The following SLC4A4 variants were observed in gnomAD, a reference collection of about 807,000 sequenced individuals.
SLC4A4 encodes the protein solute carrier family 4 member 4.
In SLC4A4, 27 loss-of-function variants were observed where a neutral mutation model predicts 111.5. The observed-to-expected ratio is 0.24, with a 90% CI of 0.18 to 0.33. The LOEUF (loss-of-function observed/expected upper bound fraction) is 0.33, where lower values mean the gene tolerates loss of function less well. SLC4A4 is among the 10% of genes least tolerant of loss of function. SLC4A4 has a pLI of 1.00. For missense variants in SLC4A4, 909 were observed against 1,315.5 expected (o/e 0.69, Z 4.78); for synonymous variants, 443 against 463.4 (o/e 0.96, Z 0.57).
chr4:71,152,828 C>T (rs902773759), intron 2 of SLC4A4, among the ~76,000 whole-genome samples: 2 of 151,618 alleles, frequency 1.3e-5, no homozygotes, highest in Non-Finnish European at 2.9e-5. Context: ...CCCCTCATCT[C>T]TATACTGCAT....
intron 1 of SLC4A4, among the ~76,000 whole-genome samples, chr4:71,222,529 T>G (rs1187739334): frequency 6.6e-6 from 1 of 152,234 alleles, no homozygotes; most frequent in Non-Finnish European, 1.5e-5. Flanking sequence ...GATTCATCCT[T>G]CGTGCCTAGA....
At position 71,440,784 on chromosome 4, in the gene SLC4A4, C is replaced by T. The variant is rs550285672; in HGVS notation, c.965+11C>T. 8.1e-6 allele frequency: 13 copies of T among 1,613,780 alleles called. No individual in the cohort carries two copies. In the African/African-American group the frequency reaches 1.2e-4, roughly 15 times the overall value. On this transcript the variant is annotated intron_variant, in intron 8 of 25. Transcript: ENST00000264485. ...TCCTGTGCCCACAAGGTAAGCTGCT[C>T]TCCTACCTGGGGTCTACAATGTGCT...
At chr4:71,179,863 A>G (rs1340333733) in intron 2 of SLC4A4, among the ~76,000 whole-genome samples, 1 of 152,226 alleles carries the variant, frequency 6.6e-6, no homozygotes, top group Non-Finnish European at 1.5e-5. Flanking sequence ...TAAAGTTCAT[A>G]TGGAACCAAA....
chr4:71,286,548 A>C (rs1327869485), intron 3 of SLC4A4, among the ~76,000 whole-genome samples: 1 of 152,232 alleles, frequency 6.6e-6, no homozygotes, highest in Admixed American at 6.5e-5. Flanking sequence ...TATCACAAGC[A>C]GTTTTCTATA....
At chr4:71,099,353 G>A (rs1194028543) in intron 2 of SLC4A4, among the ~76,000 whole-genome samples, 1 of 152,148 alleles carries the variant, frequency 6.6e-6, no homozygotes, top group Non-Finnish European at 1.5e-5. Context: ...TGACTTTTGG[G>A]TAAATAACAA....
At chr4:71,557,648 A>T in intron 21 of SLC4A4, 64 bp from the exon 22 acceptor site, 1 of 1,460,138 alleles carries the variant, frequency 6.8e-7, no homozygotes. Flanking sequence ...AGTAGTGATT[A>T]GTTAGGCATA....
chr4:71,389,484 T>A (rs1719068894), intron 6 of SLC4A4, among the ~76,000 whole-genome samples: 2 of 152,322 alleles, frequency 1.3e-5, no homozygotes, highest in South Asian at 4.1e-4. Flanking sequence ...CATCCTCACA[T>A]CCTCATTCCT....
intron 6 of SLC4A4, among the ~76,000 whole-genome samples, chr4:71,386,589 CT>C (rs201561485): frequency 1.3e-5 from 2 of 151,292 alleles, no homozygotes; most frequent in Non-Finnish European, 1.5e-5. Context: ...TTTTTCTTTT[CT>C]TTTTTTTGGC....
rs148243942 is a variant in SLC4A4, at chr4:71,268,987, T to A, written c.253+13588T>A. ...CAATCAGAACAAACATTATTCCTGT[T>A]TTAGAAATGCAAATCAGAGGTTCCC... On this transcript the variant is annotated intron_variant, in intron 3 of 25. Coordinates refer to ENST00000264485, the MANE Select transcript of SLC4A4 (RefSeq NM_001098484.3). 1.9e-4 allele frequency among the ~76,000 whole-genome samples: 29 copies of A among 152,372 alleles called. No individual in the cohort carries two copies. The East Asian group carries it at 5.6e-3, about 29-fold the overall frequency.
At position 71,156,049 on chromosome 4, in the gene SLC4A4, C is replaced by A. The variant is rs1452718811; in HGVS notation, c.-2+63257C>A. 2.6e-5 allele frequency among the ~76,000 whole-genome samples: 4 copies of A among 152,266 alleles called. No homozygotes were observed. In the East Asian group the frequency reaches 7.7e-4, roughly 29 times the overall value. ...TACACGAATTTAATAAAGAGGAGCT[C>A]AGTCTGTTCTTCCTTATTATGTTGT... On this transcript the variant is annotated intron_variant, in intron 2 of 26. Coordinates refer to the SLC4A4 transcript ENST00000649996.
At chr4:71,457,307 A>G (rs1417601725) in intron 12 of SLC4A4, among the ~76,000 whole-genome samples, 1 of 152,210 alleles carries the variant, frequency 6.6e-6, no homozygotes, top group African/African-American at 2.4e-5. Context: ...TCATACAGTT[A>G]TAATGCTGAC....
chr4:71,169,993 C>G (rs141926777), intron 2 of SLC4A4, among the ~76,000 whole-genome samples: 300 of 152,334 alleles, frequency 2.0e-3, no homozygotes, highest in African/African-American at 7.0e-3. Flanking sequence ...TCACCGATCT[C>G]CCTTTGTTCC....
At chr4:71,103,871 C>A in intron 2 of SLC4A4, among the ~76,000 whole-genome samples, 1 of 141,104 alleles carries the variant, frequency 7.1e-6, no homozygotes, top group African/African-American at 2.6e-5. Context: ...ACTAGAAAAG[C>A]AAGAGCAAAC....
rs559085429 is a variant in SLC4A4 at position 71,519,676 on chromosome 4, C to T, written c.2167-12386C>T. 7.8e-4 allele frequency among the ~76,000 whole-genome samples: 119 copies of T among 152,170 alleles called. 1 individual carries two copies. The highest frequency in any genetic ancestry group is 3.0e-3 in the Admixed American group (46 of 15,290). ...TTTTGACAGAGTCTCGCTCTGTTGC[C>T]TAGGCTGGAGTGCAGTGGCATGACC... On this transcript the variant is annotated intron_variant, in intron 16 of 25. Coordinates refer to ENST00000264485, the MANE Select transcript of SLC4A4 (RefSeq NM_001098484.3).
At chr4:71,339,697 A>G in intron 4 of SLC4A4, among the ~76,000 whole-genome samples, 192 bp downstream of exon 4, 1 of 152,006 alleles carries the variant, frequency 6.6e-6, no homozygotes, top group East Asian at 1.9e-4. Context: ...GGCACCTCTT[A>G]TTTCACTATT....
chr4:71,427,167 C>T (rs1240020592), intron 7 of SLC4A4, among the ~76,000 whole-genome samples: 1 of 151,964 alleles, frequency 6.6e-6, no homozygotes, highest in Non-Finnish European at 1.5e-5. Flanking sequence ...ATTCATTAAT[C>T]TCTAGTTTTT....
At chr4:71,131,429 C>T (rs1332310104) in intron 2 of SLC4A4, among the ~76,000 whole-genome samples, 1 of 152,148 alleles carries the variant, frequency 6.6e-6, no homozygotes, top group Non-Finnish European at 1.5e-5. Flanking sequence ...TGATTAAAGA[C>T]CCATTGTCTG....
At chr4:71,086,088 G>A (rs1578464198) in intron 1 of SLC4A4, among the ~76,000 whole-genome samples, 1 of 151,550 alleles carries the variant, frequency 6.6e-6, no homozygotes, top group East Asian at 1.9e-4. Context: ...CTTGAGCAGT[G>A]GTTTGTAGTT....
chr4:71,523,589 C>T (rs1479169474), intron 16 of SLC4A4, among the ~76,000 whole-genome samples: 3 of 152,062 alleles, frequency 2.0e-5, no homozygotes, highest in African/African-American at 7.2e-5. Flanking sequence ...GAAGTAATAA[C>T]TTTAACCATG....
Sources: allele counts gnomAD v4.1 joint callset (sites outside exome capture counted in the v4.1 genomes callset), GRCh38; gene constraint gnomAD v4.1.1; transcripts MANE v1.5; gene names NCBI Gene and HGNC (gene_info 2026-07-23, HGNC 2026-07-21).